Variants in GFRAL observed in about 807,000 individuals in gnomAD.
GFRAL encodes the protein GDNF family receptor alpha-like.
Under a neutral mutation model 45.4 loss-of-function variants are expected in GFRAL, and 36 were observed. The ratio of observed to expected loss-of-function variants is 0.79; its 90% CI spans 0.61 to 1.05. GFRAL has a LOEUF of 1.05. GFRAL is among the 50% of genes least tolerant of loss of function. The pLI is 0.00. For missense variants in GFRAL, 507 were observed against 467.5 expected, an observed-to-expected ratio of 1.08 and a Z score of -0.78; for synonymous variants, 166 against 154.1, an observed-to-expected ratio of 1.08 and a Z score of -0.57.
intron 6 of GFRAL, among the ~76,000 whole-genome samples, chr6:55,383,776 G>A (rs1768644949): frequency 6.6e-6 from 1 of 151,952 alleles, no homozygotes; most frequent in African/African-American, 2.4e-5. Context: ...AATCCAATGG[G>A]CTTGAAAACT....
intron 6 of GFRAL, among the ~76,000 whole-genome samples, chr6:55,395,528 A>AT (rs35488279): frequency 4.6e-5 from 7 of 151,766 alleles, no homozygotes; most frequent in African/African-American, 1.2e-4. Context: ...AGATACAGGC[A>AT]TTTTTTCCCC....
chr6:55,351,347 C>T lies in GFRAL; in HGVS notation c.465C>T (p.Cys155=). Reference sequence around the variant, plus strand: ...AGTTGGCCTCTTACCTTAAAGCTTGCTCAGCAAATGGAAATCCGTGTGATC... The same window carrying T: ...AGTTGGCCTCTTACCTTAAAGCTTGTTCAGCAAATGGAAATCCGTGTGATC... ...NAQLASYLKA[C]SANGNPCDLK... is the part of the protein sequence containing the mutation. Residue 155 remains cysteine (C), a synonymous_variant, in exon 5 of 9, where the codon TGC becomes TGT. Transcript: ENST00000340465. The T allele has an allele frequency of 1.2e-6, 2 of 1,613,610 alleles. No homozygotes were observed.
At chr6:55,370,326 TA>T (rs1176933832) in intron 6 of GFRAL, among the ~76,000 whole-genome samples, 1 of 151,920 alleles carries the variant, frequency 6.6e-6, no homozygotes, top group Non-Finnish European at 1.5e-5. Context: ...TTTGCCACAT[TA>T]AAAAAAATCC....
chr6:55,330,412 A>C (rs2127349220), intron 1 of GFRAL, among the ~76,000 whole-genome samples: 1 of 152,236 alleles, frequency 6.6e-6, no homozygotes, highest in South Asian at 2.1e-4. Context: ...AGAACAGTAA[A>C]ATCTGTAATT....
intron 3 of GFRAL, among the ~76,000 whole-genome samples, chr6:55,346,868 G>A (rs1768050660): frequency 7.7e-6 from 1 of 130,126 alleles, no homozygotes; most frequent in Non-Finnish European, 1.6e-5. Flanking sequence ...CAAAGTAAGT[G>A]ATGAAGAAAA....
intron 6 of GFRAL, among the ~76,000 whole-genome samples, chr6:55,379,896 A>G (rs1175510091): frequency 6.6e-6 from 1 of 151,926 alleles, no homozygotes; most frequent in Non-Finnish European, 1.5e-5. Flanking sequence ...AAGTGAGATC[A>G]TGTGGTATTT....
At chr6:55,367,974 T>A (rs189662490) in intron 6 of GFRAL, among the ~76,000 whole-genome samples, 6,322 of 146,262 alleles carry the variant, frequency 0.043, 221 homozygotes, top group Non-Finnish European at 0.067. Flanking sequence ...ATTTCCTGAA[T>A]CTGAACGTTG....
intron 6 of GFRAL, among the ~76,000 whole-genome samples, chr6:55,360,695 T>G (rs6914353): frequency 0.11 from 17,091 of 151,966 alleles, 1,049 homozygotes; most frequent in African/African-American, 0.16. Context: ...CTAATTTTCC[T>G]CTCTTATTAA....
At chr6:55,394,945 C>A (rs762931560) in intron 6 of GFRAL, among the ~76,000 whole-genome samples, 20 of 151,574 alleles carry the variant, frequency 1.3e-4, no homozygotes, top group Non-Finnish European at 2.5e-4. Context: ...AGAAAAGGAG[C>A]CAAAAAGAAA....
At chr6:55,386,861 C>G (rs1768687122) in intron 6 of GFRAL, among the ~76,000 whole-genome samples, 1 of 152,140 alleles carries the variant, frequency 6.6e-6, no homozygotes. Flanking sequence ...ACCTGAAACA[C>G]TGCATATTTG....
At chr6:55,340,038 C>A (rs1053977636) in intron 3 of GFRAL, among the ~76,000 whole-genome samples, 2 of 152,272 alleles carry the variant, frequency 1.3e-5, no homozygotes, top group East Asian at 1.9e-4. Flanking sequence ...AAGGAGAAAG[C>A]CTAAATATTC....
intron 5 of GFRAL, among the ~76,000 whole-genome samples, chr6:55,354,727 G>C (rs12199401): frequency 3.8e-4 from 57 of 151,996 alleles, no homozygotes; most frequent in Admixed American, 2.5e-3. Flanking sequence ...CTTCTTCAAT[G>C]AGAATATTAA....
intron 6 of GFRAL, among the ~76,000 whole-genome samples, chr6:55,386,426 G>C (rs1036951350): frequency 6.6e-6 from 1 of 152,142 alleles, no homozygotes; most frequent in African/African-American, 2.4e-5. Flanking sequence ...ACTTTGACCA[G>C]GCACTATTGT....
chr6:55,400,182 A>G lies in GFRAL; in HGVS notation c.1121+741A>G, dbSNP rs115708855. 9.3e-3 allele frequency among the ~76,000 whole-genome samples: 1,414 copies of G among 152,238 alleles called. 15 individuals are homozygous for G. The highest frequency in any genetic ancestry group is 0.013 in the Non-Finnish European group (883 of 67,974). Reference sequence around the variant, plus strand: ...AAAAACTCACATTTAAACATCAATCATGTTCATTTGCTTATTCTTTACACA... The same window carrying G: ...AAAAACTCACATTTAAACATCAATCGTGTTCATTTGCTTATTCTTTACACA... On this transcript the variant is annotated intron_variant, in intron 8 of 8. Coordinates refer to ENST00000340465, the MANE Select transcript of GFRAL (RefSeq NM_207410.2).
At chr6:55,366,231 G>A (rs1392537784) in intron 6 of GFRAL, among the ~76,000 whole-genome samples, 1 of 151,958 alleles carries the variant, frequency 6.6e-6, no homozygotes, top group African/African-American at 2.4e-5. Flanking sequence ...TTTGTGTAGA[G>A]GTGTTTGTAG....
intron 6 of GFRAL, among the ~76,000 whole-genome samples, chr6:55,376,774 T>TA (rs765308450): frequency 5.3e-5 from 8 of 152,032 alleles, no homozygotes; most frequent in East Asian, 1.9e-4. Context: ...CTATTTTATC[T>TA]AAAAAAATGG....
At chr6:55,396,565 A>G (rs1305330210) in intron 6 of GFRAL, among the ~76,000 whole-genome samples, 1 of 152,084 alleles carries the variant, frequency 6.6e-6, no homozygotes, top group Admixed American at 6.5e-5. Context: ...TTTTTTAAAA[A>G]AGGCCATAGA....
intron 6 of GFRAL, among the ~76,000 whole-genome samples, chr6:55,377,536 C>T (rs1040710598): frequency 3.9e-5 from 6 of 152,028 alleles, no homozygotes; most frequent in Non-Finnish European, 8.8e-5. Flanking sequence ...CAGAAAAAGA[C>T]ATTACACTGG....
chr6:55,376,068 G>A (rs1392240651), intron 6 of GFRAL, among the ~76,000 whole-genome samples: 1 of 152,010 alleles, frequency 6.6e-6, no homozygotes, highest in Non-Finnish European at 1.5e-5. Flanking sequence ...TTAACATGAA[G>A]CGATGTTGCA....
Sources: gnomAD v4.1 joint callset for allele counts (sites outside exome capture counted in the v4.1 genomes callset) on GRCh38, gnomAD v4.1.1 for gene constraint, MANE v1.5 for transcripts, NCBI Gene and HGNC (gene_info 2026-07-23, HGNC 2026-07-21) for gene names.